Variants in CCSER1 observed in about 807,000 individuals in gnomAD.
CCSER1 encodes the protein coiled-coil serine rich protein 1.
Under a neutral mutation model 82.0 loss-of-function variants are expected in CCSER1, and 41 were observed. That is an observed-to-expected ratio of 0.50 (90% CI 0.39 to 0.65). The LOEUF is 0.65. Among genes scored for constraint, CCSER1 ranks in the 30% least tolerant of loss-of-function variants. The probability of loss-of-function intolerance (pLI) is 0.00; values close to 1 mark genes in which losing one functional copy is unlikely to be tolerated. For missense variants in CCSER1, 1,119 were observed against 1,064.2 expected, an observed-to-expected ratio of 1.05 and a Z score of -0.72; for synonymous variants, 414 against 383.9, an observed-to-expected ratio of 1.08 and a Z score of -0.92.
intron 6 of CCSER1, among the ~76,000 whole-genome samples, chr4:90,686,781 A>C (rs1734882240): frequency 6.6e-6 from 1 of 152,132 alleles, no homozygotes; most frequent in African/African-American, 2.4e-5. Flanking sequence ...CTAAGATTTG[A>C]AGAATAGAGC....
At chr4:90,833,902 G>A (rs900415963) in intron 8 of CCSER1, among the ~76,000 whole-genome samples, 1 of 152,076 alleles carries the variant, frequency 6.6e-6, no homozygotes, top group East Asian at 1.9e-4. Context: ...TTATTATAAA[G>A]CTAATTCAGC....
chr4:91,278,264 C>T (rs973063173), intron 10 of CCSER1, among the ~76,000 whole-genome samples: 1 of 152,064 alleles, frequency 6.6e-6, no homozygotes, highest in Non-Finnish European at 1.5e-5. Context: ...CTAATGCTGA[C>T]AGTAGGGCGT....
chr4:90,885,837 T>TA (rs1442779435), intron 8 of CCSER1, among the ~76,000 whole-genome samples: 11 of 152,212 alleles, frequency 7.2e-5, no homozygotes, highest in African/African-American at 2.7e-4. Context: ...CCATCATTAC[T>TA]AATCCCATTA....
At chr4:90,554,265 G>A (rs1281373338) in intron 5 of CCSER1, among the ~76,000 whole-genome samples, 1 of 152,190 alleles carries the variant, frequency 6.6e-6, no homozygotes, top group African/African-American at 2.4e-5. Context: ...TTGGACAGCT[G>A]AGGTGGGAAG....
At chr4:91,053,733 A>G (rs926129246) in intron 9 of CCSER1, among the ~76,000 whole-genome samples, 7 of 152,246 alleles carry the variant, frequency 4.6e-5, no homozygotes, top group African/African-American at 1.7e-4. Flanking sequence ...GCCTAAATGT[A>G]AATACATCTT....
At chr4:91,203,288 A>G (rs1736078366) in intron 10 of CCSER1, among the ~76,000 whole-genome samples, 1 of 151,910 alleles carries the variant, frequency 6.6e-6, no homozygotes, top group Non-Finnish European at 1.5e-5. Context: ...ACTATCTTTT[A>G]TCAAATAAGG....
intron 10 of CCSER1, among the ~76,000 whole-genome samples, chr4:91,596,011 A>G (rs941824097): frequency 1.3e-5 from 2 of 151,698 alleles, no homozygotes; most frequent in African/African-American, 2.4e-5. Flanking sequence ...ACTATGCTAA[A>G]TAAACATAAA....
At chr4:91,210,112 C>A (rs1455623388) in intron 10 of CCSER1, among the ~76,000 whole-genome samples, 1 of 151,678 alleles carries the variant, frequency 6.6e-6, no homozygotes, top group Non-Finnish European at 1.5e-5. Context: ...GAAGACATAT[C>A]AGATGACCTA....
chr4:90,184,065 T>C (rs1428194434), intron 1 of CCSER1, among the ~76,000 whole-genome samples: 1 of 152,116 alleles, frequency 6.6e-6, no homozygotes, highest in Non-Finnish European at 1.5e-5. Context: ...TATCTAGCAC[T>C]AGTCTAGAAA....
rs577958161 is a variant in CCSER1 at position 90,498,629 on chromosome 4, A to C, written c.1724+30275A>C. Among the ~76,000 whole-genome samples the C allele has an allele frequency of 1.4e-4, 22 of 152,288 alleles. No individual in the cohort carries two copies. In the South Asian group the frequency reaches 4.1e-3, roughly 29 times the overall value. ...ATTCCATCAACAATTGTTTGGTTTA[A>C]TATTATTTCAGTGAAGACAGGTGCC... On this transcript the variant is annotated intron_variant, in intron 5 of 10. Transcript: ENST00000509176.
chr4:91,269,731 C>G (rs1038992776), intron 10 of CCSER1, among the ~76,000 whole-genome samples: 1 of 152,020 alleles, frequency 6.6e-6, no homozygotes, highest in Non-Finnish European at 1.5e-5. Context: ...TTTTCTTGAA[C>G]GACTGCTTCT....
chr4:91,567,701 G>GT (rs35777147), intron 10 of CCSER1, among the ~76,000 whole-genome samples: 10,407 of 151,648 alleles, frequency 0.069, 390 homozygotes, highest in Middle Eastern at 0.099. Flanking sequence ...TACTACCCCT[G>GT]TTTTTTTTCT....
chr4:91,550,268 T>C (rs1762097955), intron 10 of CCSER1, among the ~76,000 whole-genome samples: 1 of 152,214 alleles, frequency 6.6e-6, no homozygotes, highest in African/African-American at 2.4e-5. Flanking sequence ...CGTAGGGCTT[T>C]TGCAGGTAAA....
chr4:90,203,657 C>T (rs1169458869), intron 1 of CCSER1, among the ~76,000 whole-genome samples: 7 of 152,122 alleles, frequency 4.6e-5, no homozygotes, highest in Non-Finnish European at 8.8e-5. Context: ...AATAAACATA[C>T]GTGTGCATGT....
At chr4:91,322,471 CT>C (rs1746264502) in intron 10 of CCSER1, among the ~76,000 whole-genome samples, 2 of 152,106 alleles carry the variant, frequency 1.3e-5, no homozygotes, top group South Asian at 4.1e-4. Flanking sequence ...ACAACTACTT[CT>C]AAAAGTGATT....
chr4:90,948,404 T>A (rs1732514084), intron 9 of CCSER1, among the ~76,000 whole-genome samples: 1 of 152,008 alleles, frequency 6.6e-6, no homozygotes, highest in African/African-American at 2.4e-5. Flanking sequence ...GAAGAGAACA[T>A]TAATCAGAGT....
At chr4:91,244,773 A>G (rs1739633205) in intron 10 of CCSER1, among the ~76,000 whole-genome samples, 1 of 152,150 alleles carries the variant, frequency 6.6e-6, no homozygotes, top group African/African-American at 2.4e-5. Flanking sequence ...ATATGGCCTC[A>G]CAAAAAGAAT....
At chr4:90,335,874 T>C (rs1740297990) in intron 3 of CCSER1, among the ~76,000 whole-genome samples, 1 of 152,222 alleles carries the variant, frequency 6.6e-6, no homozygotes, top group Non-Finnish European at 1.5e-5. Flanking sequence ...CGCCTTGTCT[T>C]TCCAAAGTGC....
At chr4:90,299,970 TTG>T (rs1732779130) in intron 1 of CCSER1, among the ~76,000 whole-genome samples, 1 of 152,056 alleles carries the variant, frequency 6.6e-6, no homozygotes, top group African/African-American at 2.4e-5. Flanking sequence ...GAAATATCTG[TTG>T]TTTTTTTGGG....
Sources: allele counts gnomAD v4.1 joint callset (sites outside exome capture counted in the v4.1 genomes callset), GRCh38; gene constraint gnomAD v4.1.1; transcripts MANE v1.5; gene names NCBI Gene and HGNC (gene_info 2026-07-23, HGNC 2026-07-21).